Variants in PLSCR2 observed in about 807,000 individuals in gnomAD.
PLSCR2 encodes the protein phospholipid scramblase 2.
In PLSCR2, 18 loss-of-function variants were observed where a neutral mutation model predicts 25.3. The observed-to-expected ratio is 0.71, with a 90% CI of 0.49 to 1.06. The LOEUF is 1.06. Ranked by LOEUF, PLSCR2 falls within the 50% of genes least tolerant of loss-of-function variation. The probability of loss-of-function intolerance (pLI) is 0.00; values close to 1 mark genes in which losing one functional copy is unlikely to be tolerated. For missense variants in PLSCR2, 243 were observed against 269.5 expected (o/e 0.90, Z 0.69); for synonymous variants, 88 against 87.3 (o/e 1.01, Z -0.04).
At chr3:146,475,506 T>C (rs1045886447) in intron 1 of PLSCR2, among the ~76,000 whole-genome samples, 3 of 152,178 alleles carry the variant, frequency 2.0e-5, no homozygotes, top group African/African-American at 7.2e-5. Flanking sequence ...TAATATAATA[T>C]GACAACTCTG....
Position 146,473,954 on chromosome 3 carries a change from C to T in PLSCR2, c.-292-13670G>A, listed in dbSNP as rs376001710. 9.2e-5 allele frequency among the ~76,000 whole-genome samples: 14 copies of T among 152,270 alleles called. 1 individual carries two copies. The East Asian group carries it at 2.1e-3, about 23-fold the overall frequency. On this transcript the variant is annotated intron_variant, in intron 1 of 8. Coordinates refer to the PLSCR2 transcript ENST00000336685. ...TGTTCTTGAAAGGAATGTCCTAACC[C>T]AAAGAACAAATATTGGTTAATTGTC...
intron 1 of PLSCR2, among the ~76,000 whole-genome samples, chr3:146,480,005 G>T (rs988848654): frequency 6.6e-6 from 1 of 152,180 alleles, no homozygotes; most frequent in South Asian, 2.1e-4. Flanking sequence ...ATAACAAAAT[G>T]AAGGCAAAAA....
chr3:146,393,499 T>A (rs2038166341), intron 3 of PLSCR2, among the ~76,000 whole-genome samples: 1 of 151,894 alleles, frequency 6.6e-6, no homozygotes, highest in African/African-American at 2.4e-5. Context: ...GAGAAAAATG[T>A]GTGTTGTCTA....
chr3:146,394,798 T>C (rs1314100260), intron 3 of PLSCR2, among the ~76,000 whole-genome samples: 1 of 152,200 alleles, frequency 6.6e-6, no homozygotes, highest in African/African-American at 2.4e-5. Context: ...TGAGGCAGGG[T>C]CCTGTAATCC....
intron 2 of PLSCR2, among the ~76,000 whole-genome samples, chr3:146,403,804 G>A (rs1368882205): frequency 6.6e-6 from 1 of 151,892 alleles, no homozygotes; most frequent in East Asian, 1.9e-4. Flanking sequence ...ATCTGGTAAG[G>A]GCCTTCTTAC....
chr3:146,491,944 C>T (rs757944358), intron 1 of PLSCR2, among the ~76,000 whole-genome samples: 5 of 152,148 alleles, frequency 3.3e-5, no homozygotes, highest in Admixed American at 6.5e-5. Context: ...ACTGTCTTTT[C>T]CTCATCTGTG....
intron 1 of PLSCR2, among the ~76,000 whole-genome samples, chr3:146,477,577 C>T (rs888690642): frequency 6.6e-6 from 1 of 152,216 alleles, no homozygotes; most frequent in South Asian, 2.1e-4. Context: ...AACAAAGTGG[C>T]CAGGAAGCTT....
upstream of PLSCR2, chr3:146,463,828 T>C (rs2041739723): frequency 3.1e-6 from 3 of 970,690 alleles, no homozygotes; most frequent in Non-Finnish European, 3.7e-6. Flanking sequence ...AGAAACCACC[T>C]CCTTACCTGC....
At chr3:146,456,568 T>C (rs2041235617) in intron 3 of PLSCR2, among the ~76,000 whole-genome samples, 1 of 152,234 alleles carries the variant, frequency 6.6e-6, no homozygotes, top group Non-Finnish European at 1.5e-5. Flanking sequence ...TGTTTATCTA[T>C]AAAATGACAT....
intron 1 of PLSCR2, among the ~76,000 whole-genome samples, chr3:146,478,376 A>G (rs2042999443): frequency 6.6e-6 from 1 of 152,214 alleles, no homozygotes; most frequent in African/African-American, 2.4e-5. Flanking sequence ...AACTAGAAAA[A>G]ACAGTGTAGA....
chr3:146,403,527 G>A (rs1325707443), intron 2 of PLSCR2, among the ~76,000 whole-genome samples: 1 of 152,094 alleles, frequency 6.6e-6, no homozygotes, highest in Non-Finnish European at 1.5e-5. Flanking sequence ...CCCTATTCAA[G>A]GATGTTTAGA....
intron 1 of PLSCR2, 65 bp from the exon 1 acceptor site, chr3:146,469,626 G>C: frequency 1.0e-6 from 1 of 953,370 alleles, no homozygotes; most frequent in Non-Finnish European, 1.2e-6. Context: ...AAGGGGCCTG[G>C]ACCAGCCTCA....
intron 1 of PLSCR2, among the ~76,000 whole-genome samples, chr3:146,486,292 G>T (rs1294622724): frequency 6.6e-6 from 1 of 151,374 alleles, no homozygotes; most frequent in Admixed American, 6.6e-5. Context: ...CTAAAAGCTA[G>T]TGGAAAACAA....
chr3:146,482,527 T>C (rs373404027), intron 1 of PLSCR2, among the ~76,000 whole-genome samples: 5 of 152,298 alleles, frequency 3.3e-5, no homozygotes, highest in Non-Finnish European at 1.5e-5. Context: ...CACAATGAGA[T>C]ACAATCTCAT....
At chr3:146,413,739 A>G (rs1009548054) in intron 2 of PLSCR2, among the ~76,000 whole-genome samples, 1 of 152,162 alleles carries the variant, frequency 6.6e-6, no homozygotes, top group African/African-American at 2.4e-5. Flanking sequence ...GAAATCTCAG[A>G]CTTCCTTATA....
At chr3:146,412,314 T>C (rs559945694) in intron 2 of PLSCR2, among the ~76,000 whole-genome samples, 1 of 152,250 alleles carries the variant, frequency 6.6e-6, no homozygotes, top group African/African-American at 2.4e-5. Context: ...GCTTTCTGTA[T>C]TGACTTTGCT....
chr3:146,475,259 C>G (rs1024140980), intron 1 of PLSCR2, among the ~76,000 whole-genome samples: 1 of 151,870 alleles, frequency 6.6e-6, no homozygotes, highest in South Asian at 2.1e-4. Context: ...TTCACTGATT[C>G]TTTCTCATCT....
intron 2 of PLSCR2, among the ~76,000 whole-genome samples, chr3:146,424,976 A>AATATATATGTGTGTGTAT (rs71304236): frequency 4.0e-5 from 6 of 148,286 alleles, no homozygotes; most frequent in Non-Finnish European, 6.0e-5. Flanking sequence ...GGAAAGAAAT[A>AATATATATGTGTGTGTAT]ATATATATGG....
In PLSCR2 at chr3:146,484,304, C is replaced by T. The variant is rs144769552; in HGVS notation, c.-293+11591G>A. ...ATGGGATTACGAAAAAAGACTGAAC[C>T]TATGGCTGACTGGAGTACCTGAAAA... is the stretch of plus-strand genomic sequence containing the variant. On this transcript the variant is annotated intron_variant, in intron 1 of 8. Coordinates refer to the PLSCR2 transcript ENST00000336685. Among the ~76,000 whole-genome samples, 826 of 151,136 alleles carry T rather than the reference C, an allele frequency of 5.5e-3. 9 individuals carry two copies. Among genetic ancestry groups the T allele is most frequent in the Non-Finnish European group, 8.0e-3 (543 of 67,806 alleles).
Sources: gnomAD v4.1 joint callset for allele counts (sites outside exome capture counted in the v4.1 genomes callset) on GRCh38, gnomAD v4.1.1 for gene constraint, MANE v1.5 for transcripts, NCBI Gene and HGNC (gene_info 2026-07-23, HGNC 2026-07-21) for gene names.